The following TMEM178B variants were observed in gnomAD, a reference collection of about 807,000 sequenced individuals.
TMEM178B encodes transmembrane protein 178B.
TMEM178B carries 5 observed loss-of-function variants against 31.0 expected under a neutral mutation model. The observed-to-expected ratio is 0.16, with a 90% CI of 0.08 to 0.34. The LOEUF (loss-of-function observed/expected upper bound fraction) is 0.34, where lower values mean the gene tolerates loss of function less well. Ranked by LOEUF, TMEM178B falls within the 10% of genes least tolerant of loss-of-function variation. The pLI is 1.00. For synonymous variants in TMEM178B, 164 were observed against 164.0 expected, an observed-to-expected ratio of 1.00 and a Z score of 0.00; for missense variants, 275 against 400.3, an observed-to-expected ratio of 0.69 and a Z score of 2.67.
the TMEM178B span, among the ~76,000 whole-genome samples, chr7:141,487,389 G>A: frequency 7.0e-4 from 107 of 152,000 alleles, 1 homozygote; most frequent in Middle Eastern, 3.4e-3. Context: ...TTCTCCATCC[G>A]CGACAATGGA....
intron 1 of TMEM178B, among the ~76,000 whole-genome samples, chr7:141,190,833 A>G (rs755206227): frequency 4.3e-4 from 65 of 152,126 alleles, no homozygotes; most frequent in Non-Finnish European, 8.7e-4. Context: ...CAATATTACT[A>G]GTTTGCATCC....
chr7:141,419,467 C>A (rs566124179), intron 2 of TMEM178B, among the ~76,000 whole-genome samples: 1 of 152,314 alleles, frequency 6.6e-6, no homozygotes, highest in South Asian at 2.1e-4. Flanking sequence ...CCTCTCAACC[C>A]TGTTCTCTGC....
At chr7:141,496,874 T>C in the TMEM178B span, among the ~76,000 whole-genome samples, 524 of 152,268 alleles carry the variant, frequency 3.4e-3, 2 homozygotes, top group African/African-American at 9.7e-3. Flanking sequence ...TTGTATTCAA[T>C]GTACTGATAC....
chr7:141,224,861 G>T (rs1054596255), intron 2 of TMEM178B, among the ~76,000 whole-genome samples: 1 of 152,180 alleles, frequency 6.6e-6, no homozygotes. Flanking sequence ...GGTTGAAATG[G>T]CTGGGTCTTT....
At chr7:141,322,853 C>A (rs73737776) in intron 2 of TMEM178B, among the ~76,000 whole-genome samples, 19,593 of 152,136 alleles carry the variant, frequency 0.13, 1,731 homozygotes, top group East Asian at 0.24. Flanking sequence ...CTTCTTCTCC[C>A]CTAAACCCCC....
At chr7:141,263,203 G>A (rs893272053) in intron 2 of TMEM178B, among the ~76,000 whole-genome samples, 6 of 152,188 alleles carry the variant, frequency 3.9e-5, no homozygotes, top group Non-Finnish European at 7.3e-5. Flanking sequence ...GATTTCAGAC[G>A]TTGTTGTGGC....
chr7:141,146,517 T>C (rs1003000680), intron 1 of TMEM178B, among the ~76,000 whole-genome samples: 7 of 152,214 alleles, frequency 4.6e-5, no homozygotes, highest in African/African-American at 1.7e-4. Flanking sequence ...TGTTACATCA[T>C]GTATATACAG....
At chr7:141,113,882 A>G (rs1185401017) in intron 1 of TMEM178B, among the ~76,000 whole-genome samples, 1 of 152,248 alleles carries the variant, frequency 6.6e-6, no homozygotes, top group Non-Finnish European at 1.5e-5. Flanking sequence ...TAATTGTGCT[A>G]TCTCAGACAG....
chr7:141,154,142 G>C (rs1796026938), intron 1 of TMEM178B, among the ~76,000 whole-genome samples: 1 of 152,198 alleles, frequency 6.6e-6, no homozygotes. Context: ...GGTCAGCTGG[G>C]GGCTGATTGA....
the TMEM178B span, among the ~76,000 whole-genome samples, chr7:141,508,311 A>G: frequency 1.3e-5 from 2 of 152,208 alleles, no homozygotes; most frequent in Non-Finnish European, 2.9e-5. Flanking sequence ...TCCTCACTCC[A>G]TCTGAGACCA....
intron 2 of TMEM178B, among the ~76,000 whole-genome samples, chr7:141,295,179 G>A (rs940779530): frequency 6.6e-6 from 1 of 152,202 alleles, no homozygotes; most frequent in Non-Finnish European, 1.5e-5. Context: ...TCTGTGGGAG[G>A]TCCTGGACAC....
intron 2 of TMEM178B, among the ~76,000 whole-genome samples, chr7:141,215,848 CT>C (rs11315168): frequency 0.45 from 38,629 of 86,326 alleles, 7,768 homozygotes; most frequent in East Asian, 0.62. Flanking sequence ...CTTTTCTTTT[CT>C]TTTCTTTCTC....
chr7:141,147,061 T>TG (rs1314540123), intron 1 of TMEM178B, among the ~76,000 whole-genome samples: 1 of 152,060 alleles, frequency 6.6e-6, no homozygotes, highest in Non-Finnish European at 1.5e-5. Context: ...TGTATAAGAG[T>TG]GGATATCTAC....
intron 1 of TMEM178B, among the ~76,000 whole-genome samples, chr7:141,181,540 G>A (rs190688051): frequency 6.6e-6 from 1 of 152,252 alleles, no homozygotes; most frequent in East Asian, 1.9e-4. Context: ...TGAGATGAGT[G>A]GATTGGGAGG....
At chr7:141,435,901 A>G (rs1801528885) in intron 2 of TMEM178B, among the ~76,000 whole-genome samples, 1 of 152,074 alleles carries the variant, frequency 6.6e-6, no homozygotes, top group Admixed American at 6.5e-5. Flanking sequence ...GTGGCTCTCA[A>G]AGATCTCTGC....
chr7:141,165,453 G>A (rs902991502), intron 1 of TMEM178B, among the ~76,000 whole-genome samples: 2 of 152,202 alleles, frequency 1.3e-5, no homozygotes, highest in Non-Finnish European at 2.9e-5. Flanking sequence ...TCATATCAAA[G>A]TCCATGATAT....
chr7:141,122,481 A>G (rs1438187813), intron 1 of TMEM178B, among the ~76,000 whole-genome samples: 1 of 152,214 alleles, frequency 6.6e-6, no homozygotes, highest in African/African-American at 2.4e-5. Context: ...AGGACACAAG[A>G]TTGTGAAACA....
rs1295420876 is a variant in TMEM178B at position 141,122,159 on chromosome 7, C to T, written c.382+47467C>T. On this transcript the variant is annotated intron_variant, in intron 1 of 3. Coordinates refer to ENST00000565468, the MANE Select transcript of TMEM178B (RefSeq NM_001195278.2). ...TGGAACATAATATATTCAAGGTCTT[C>T]TATTTAATAAATAAATAAGACTTTT... 2.6e-5 allele frequency among the ~76,000 whole-genome samples: 4 copies of T among 151,856 alleles called. No homozygotes were observed. In the East Asian group the frequency reaches 7.7e-4, roughly 29 times the overall value.
At chr7:141,287,299 A>G (rs1798461912) in intron 2 of TMEM178B, among the ~76,000 whole-genome samples, 1 of 152,170 alleles carries the variant, frequency 6.6e-6, no homozygotes. Context: ...AGGACTCTAT[A>G]CTGCACATTT....
Sources: gnomAD v4.1 joint callset for allele counts (sites outside exome capture counted in the v4.1 genomes callset) on GRCh38, gnomAD v4.1.1 for gene constraint, MANE v1.5 for transcripts, NCBI Gene and HGNC (gene_info 2026-07-23, HGNC 2026-07-21) for gene names.